Variants in SLC22A5 observed in about 807,000 individuals in gnomAD.
The protein encoded by SLC22A5 is organic cation/carnitine transporter 2.
Under a neutral mutation model 56.7 loss-of-function variants are expected in SLC22A5, and 44 were observed. The observed-to-expected ratio is 0.78, with a 90% CI of 0.61 to 1.00. The LOEUF (loss-of-function observed/expected upper bound fraction) is 1.00, where lower values mean the gene tolerates loss of function less well. Ranked by LOEUF, SLC22A5 falls within the 50% of genes least tolerant of loss-of-function variation. The probability of loss-of-function intolerance (pLI) is 0.00; values close to 1 mark genes in which losing one functional copy is unlikely to be tolerated. For missense variants in SLC22A5, 675 were observed against 723.0 expected (o/e 0.93, Z 0.76); for synonymous variants, 278 against 292.1 (o/e 0.95, Z 0.49).
chr5:132,373,174 A>C (rs905931077), intron 1 of SLC22A5, among the ~76,000 whole-genome samples: 3 of 152,220 alleles, frequency 2.0e-5, no homozygotes, highest in African/African-American at 7.2e-5. Flanking sequence ...TTGAGAACTA[A>C]AGAAAAATAG....
At position 132,392,506 on chromosome 5, in the gene SLC22A5, C is replaced by T. The variant is rs58188318; in HGVS notation, c.1341C>T (p.Tyr447=). 1.1e-4 allele frequency: 172 copies of T among 1,614,132 alleles called. 1 individual carries two copies. The African/African-American group carries it at 1.8e-3, about 17-fold the overall frequency. Residue 447 remains tyrosine, a synonymous_variant, in exon 8 of 10, where the codon TAC becomes TAT. Coordinates refer to ENST00000245407, the MANE Select transcript of SLC22A5 (RefSeq NM_003060.4). ...TCACGGCTGCCTTTTCCATGGTCTA[C>T]GTGTACACAGCCGAGCTGTATCCCA... ...FGVTAAFSMV[Y]VYTAELYPTV... is the part of the protein sequence containing the mutation.
At position 132,392,560 on chromosome 5, in the gene SLC22A5, C is replaced by T; in HGVS notation, c.1395C>T (p.Val465=). ...PTVVRNMGVG[V]SSTASRLGSI... ...TGGTGAGAAACATGGGTGTGGGAGT[C>T]AGCTCCACAGCATCCCGCCTGGGCA... Residue 465 remains valine, a synonymous_variant, in exon 8 of 10, where the codon GTC becomes GTT. Coordinates refer to ENST00000245407, the MANE Select transcript of SLC22A5 (RefSeq NM_003060.4). The T allele has an allele frequency of 6.2e-7, 1 of 1,614,190 alleles. No homozygotes were observed. The highest frequency in any genetic ancestry group is 2.2e-5 in the East Asian group (1 of 44,886).
In SLC22A5 at chr5:132,392,676, A is replaced by C; in HGVS notation, c.1450+61A>C. ...GGGATGGAAGTACTAACTGGCTTGA[A>C]TGTGAGCTGGAGGTTGCGTGTTAAC... On this transcript the variant is annotated intron_variant, in intron 8 of 9. Transcript: ENST00000245407. 4 of 1,445,258 alleles carry C rather than the reference A, an allele frequency of 2.8e-6. No homozygotes were observed. The South Asian group carries it at 4.6e-5, about 17-fold the overall frequency. 89.5% of individuals were successfully genotyped at this position (1,445,258 alleles called of 1,614,324 possible).
rs76127816 is a variant in SLC22A5 at position 132,378,002 on chromosome 5, C to G, written c.394-376C>G. On this transcript the variant is annotated intron_variant, in intron 1 of 9. Transcript: ENST00000245407. ...CAGAACCACTCCAGTGACGTTCATG[C>G]CAATGGCCTGAACCCCACTGAGCGA... 13,353 of 1,162,294 alleles carry G rather than the reference C, an allele frequency of 0.011. 182 individuals carry two copies. The highest frequency in any genetic ancestry group is 0.064 in the African/African-American group (4,137 of 64,178). 72.0% of individuals were successfully genotyped at this position (1,162,294 alleles called of 1,614,324 possible). A position where few individuals can be genotyped will look rare whatever the true frequency, so the allele number is the denominator to read the frequency against.
chr5:132,388,985 A>AT lies in SLC22A5; in HGVS notation c.1017dup (p.Ile340TyrfsTer25). On this transcript the variant is annotated frameshift_variant, in exon 6 of 10. Transcript: ENST00000245407. LOFTEE classifies it high-confidence loss of function. ...ATTCTGGATCTGCTTCGAACCTGGAATATCCGGATGGTCACCATCATGTCC... is the reference window on the plus strand; with the variant it reads ...ATTCTGGATCTGCTTCGAACCTGGAATTATCCGGATGGTCACCATCATGTCC... 6.2e-7 allele frequency: 1 copy of AT among 1,613,470 alleles called. No homozygotes were observed. Among genetic ancestry groups the AT allele is most frequent in the Non-Finnish European group, 8.5e-7 (1 of 1,179,390 alleles).
At chr5:132,393,380 C>T (rs1752772796) in intron 8 of SLC22A5, among the ~76,000 whole-genome samples, 1 of 152,172 alleles carries the variant, frequency 6.6e-6, no homozygotes, top group Admixed American at 6.5e-5. Flanking sequence ...TAAGAATAAT[C>T]AGCATGGCCC....
intron 1 of SLC22A5, chr5:132,377,215 T>A (rs753906943): frequency 1.3e-5 from 2 of 152,298 alleles, no homozygotes; most frequent in Non-Finnish European, 2.9e-5. Context: ...GCGCCCACAC[T>A]GCCCAGCAGT....
At chr5:132,388,396 GA>G (rs1752600905) in intron 5 of SLC22A5, among the ~76,000 whole-genome samples, 1 of 152,170 alleles carries the variant, frequency 6.6e-6, no homozygotes, top group African/African-American at 2.4e-5. Flanking sequence ...AATTTCATAG[GA>G]AGTCACTCTG....
Position 132,393,827 on chromosome 5 carries a change from C to CT in SLC22A5, c.1586+17dup. ...GAGTCAAAGGGTAAGAAGACCTCCT[C>CT]TGTCAGTGTTGATGCACTGGGTCTG... On this transcript the variant is annotated intron_variant, in intron 9 of 9. Transcript: ENST00000245407. 6.2e-7 allele frequency: 1 copy of CT among 1,614,090 alleles called. No homozygotes were observed. The highest frequency in any genetic ancestry group is 1.1e-5 in the South Asian group (1 of 91,080).
At chr5:132,378,740 A>G (rs1014475128) in intron 2 of SLC22A5, 4 of 490,520 alleles carry the variant, frequency 8.2e-6, no homozygotes, top group Non-Finnish European at 1.5e-5. Flanking sequence ...GTAATATGCC[A>G]TGATTCACTT....
rs1397464673 is a variant in SLC22A5, at chr5:132,394,411, A to T, written c.*139A>T. Reference sequence around the variant, plus strand: ...TGACCTGTGTCTGACTTGCTCCTGGATGGGCACCCACACTCAGAGGCTACA... The same window carrying T: ...TGACCTGTGTCTGACTTGCTCCTGGTTGGGCACCCACACTCAGAGGCTACA... On this transcript the variant is annotated 3_prime_UTR_variant, in exon 10 of 10. Coordinates refer to ENST00000245407, the MANE Select transcript of SLC22A5 (RefSeq NM_003060.4). 5 of 751,712 alleles carry T rather than the reference A, an allele frequency of 6.7e-6. No individual in the cohort carries two copies. Among genetic ancestry groups the T allele is most frequent in the Non-Finnish European group, 1.2e-5 (5 of 412,036 alleles). The allele number at this position is 751,712 out of a possible 1,614,324, so 46.6% of individuals were successfully genotyped here.
intron 1 of SLC22A5, chr5:132,377,727 GTT>G (rs35785385): frequency 0.38 from 69,001 of 180,942 alleles, 14,245 homozygotes; most frequent in East Asian, 0.64. Context: ...GGTTGGAAGA[GTT>G]TTAATAGTAG....
chr5:132,379,091 G>T, intron 2 of SLC22A5: 1 of 159,060 alleles, frequency 6.3e-6, no homozygotes, highest in East Asian at 1.8e-4. Context: ...TAATTCTAAA[G>T]CTTTTAACTC....
chr5:132,381,476 A>T (rs1752344700), intron 2 of SLC22A5: 1 of 152,210 alleles, frequency 6.6e-6, no homozygotes, highest in Non-Finnish European at 1.5e-5. Context: ...ACAGCTTCTG[A>T]GTGCATTACT....
rs776965130 is a variant in SLC22A5 at position 132,370,075 on chromosome 5, A to G, written c.103A>G (p.Thr35Ala). ...LSASIIPNGF[T>A]GLSSVFLIAT... ...CGCCAGCATCATCCCCAATGGCTTC[A>G]CCGGCCTGTCCTCCGTGTTCCTGAT... The change falls in exon 1 of 10, where the codon ACC becomes GCC. Residue 35 changes from threonine (T) to alanine (A), a missense_variant. Transcript: ENST00000245407. 3 of 1,612,780 alleles carry G rather than the reference A, an allele frequency of 1.9e-6. No individual in the cohort carries two copies. In the South Asian group the frequency reaches 3.3e-5, roughly 18 times the overall value.
At chr5:132,389,243 G>A in intron 6 of SLC22A5, 1 of 530,662 alleles carries the variant, frequency 1.9e-6, no homozygotes, top group Non-Finnish European at 3.4e-6. Flanking sequence ...GGCTGTTGTG[G>A]GAAATATGGA....
At chr5:132,394,156 T>TACTG (rs1752799921) in intron 9 of SLC22A5, 29 bp from the exon 10 acceptor site, 7 of 1,406,136 alleles carry the variant, frequency 5.0e-6, no homozygotes, top group African/African-American at 1.4e-5. Context: ...TAAAATGTGT[T>TACTG]ACTGACATAT....
At chr5:132,386,169 C>T (rs1015693842) in intron 4 of SLC22A5, among the ~76,000 whole-genome samples, 1 of 152,326 alleles carries the variant, frequency 6.6e-6, no homozygotes, top group East Asian at 1.9e-4. Context: ...CCATAGAGCA[C>T]TCAAGTGCCT....
chr5:132,389,225 A>G, intron 6 of SLC22A5: 1 of 559,026 alleles, frequency 1.8e-6, no homozygotes, highest in South Asian at 1.9e-5. Flanking sequence ...AATGAAAACA[A>G]TTGTGGAGGC....
Sources: allele counts gnomAD v4.1 joint callset (sites outside exome capture counted in the v4.1 genomes callset), GRCh38; gene constraint gnomAD v4.1.1; transcripts MANE v1.5; gene names NCBI Gene and HGNC (gene_info 2026-07-23, HGNC 2026-07-21).